GARIN1B: variants seen among roughly 807,000 people sequenced by gnomAD.
GARIN1B encodes the protein Golgi-associated RAB2 interactor protein 1B.
At chr7:128,716,110 G>T in the GARIN1B span, among the ~76,000 whole-genome samples, 2 of 152,178 alleles carry the variant, frequency 1.3e-5, 1 homozygote, top group South Asian at 4.2e-4. Flanking sequence ...CCTTCTCCTT[G>T]GGAGGTGACT....
the GARIN1B span, chr7:128,709,333 T>G: frequency 6.6e-6 from 1 of 152,240 alleles, no homozygotes; most frequent in Admixed American, 6.5e-5. Context: ...CTCTCCTTTA[T>G]TTGCACATAC....
At chr7:128,713,024 G>C in the GARIN1B span, among the ~76,000 whole-genome samples, 1 of 152,128 alleles carries the variant, frequency 6.6e-6, no homozygotes, top group South Asian at 2.1e-4. Context: ...AATCAGAATG[G>C]GCCGGGCATG....
the GARIN1B span, chr7:128,716,839 C>T: frequency 3.3e-4 from 525 of 1,612,010 alleles, 3 homozygotes; most frequent in East Asian, 2.2e-3. Flanking sequence ...ATTGGAGAGA[C>T]GTCTACAAAG....
chr7:128,726,957 T>A, the GARIN1B span: 10 of 1,233,336 alleles, frequency 8.1e-6, no homozygotes, highest in East Asian at 2.1e-4. Flanking sequence ...CCATCCTGGT[T>A]GTCCTGGTGC....
the GARIN1B span, chr7:128,719,131 G>A: frequency 1.1e-5 from 17 of 1,591,170 alleles, no homozygotes; most frequent in Non-Finnish European, 1.4e-5. Context: ...AAGCAGCAAG[G>A]TAGAGCTTAA....
chr7:128,725,609 T>C, the GARIN1B span, among the ~76,000 whole-genome samples: 1 of 152,198 alleles, frequency 6.6e-6, no homozygotes, highest in Non-Finnish European at 1.5e-5. Context: ...TGGCCTTATG[T>C]GATCCATTCA....
the GARIN1B span, among the ~76,000 whole-genome samples, chr7:128,711,919 C>T: frequency 0.16 from 24,597 of 152,074 alleles, 2,170 homozygotes; most frequent in East Asian, 0.36. Context: ...CAGGTGCCTG[C>T]GATCCCAGCT....
At chr7:128,718,743 C>A in the GARIN1B span, 1 of 1,522,654 alleles carries the variant, frequency 6.6e-7, no homozygotes, top group South Asian at 1.3e-5. Context: ...AGCCTTAGTC[C>A]TAAAGGAGAC....
At chr7:128,731,038 C>A in the GARIN1B span, 2 of 1,456,218 alleles carry the variant, frequency 1.4e-6, no homozygotes, top group Non-Finnish European at 1.9e-6. Context: ...TCTGTGTGCC[C>A]ACAAAAGAGC....
At chr7:128,722,253 T>A in the GARIN1B span, among the ~76,000 whole-genome samples, 21 of 152,202 alleles carry the variant, frequency 1.4e-4, 1 homozygote, top group East Asian at 1.9e-3. Context: ...CAGAACATGA[T>A]GAATGTAAGT....
the GARIN1B span, chr7:128,716,679 C>T: frequency 1.5e-6 from 1 of 651,914 alleles, no homozygotes; most frequent in Non-Finnish European, 2.5e-6. Context: ...CTTTAGTGTG[C>T]AGGGCAGTAT....
chr7:128,716,739 T>C, the GARIN1B span: 8 of 1,320,400 alleles, frequency 6.1e-6, no homozygotes, highest in Non-Finnish European at 7.3e-6. Context: ...AGTGTCGAGG[T>C]TGAGAAACCC....
the GARIN1B span, among the ~76,000 whole-genome samples, chr7:128,709,905 C>A: frequency 6.6e-6 from 1 of 152,052 alleles, no homozygotes; most frequent in African/African-American, 2.4e-5. Flanking sequence ...GCGTGTGCCA[C>A]CACGCCCGGC....
At chr7:128,710,849 G>C in the GARIN1B span, among the ~76,000 whole-genome samples, 1 of 151,858 alleles carries the variant, frequency 6.6e-6, no homozygotes, top group Non-Finnish European at 1.5e-5. Flanking sequence ...GAAGAGACGG[G>C]GTTTCTCCAT....
At chr7:128,729,351 A>G in the GARIN1B span, among the ~76,000 whole-genome samples, 1 of 152,206 alleles carries the variant, frequency 6.6e-6, no homozygotes, top group Non-Finnish European at 1.5e-5. Flanking sequence ...CCAAACTTTA[A>G]TGTCCAAACA....
At chr7:128,728,727 A>G in the GARIN1B span, among the ~76,000 whole-genome samples, 1 of 152,200 alleles carries the variant, frequency 6.6e-6, no homozygotes, top group Non-Finnish European at 1.5e-5. Context: ...TAAAATATTC[A>G]AGCATAGTAT....
the GARIN1B span, among the ~76,000 whole-genome samples, chr7:128,709,896 C>T: frequency 1.3e-5 from 2 of 151,844 alleles, no homozygotes; most frequent in South Asian, 2.1e-4. Flanking sequence ...GGATTACAGG[C>T]GTGTGCCACC....
At chr7:128,718,992 A>G in the GARIN1B span, 5 of 1,614,190 alleles carry the variant, frequency 3.1e-6, no homozygotes, top group African/African-American at 1.3e-5. Flanking sequence ...ATTCTGCAAA[A>G]GGGGCTGTCC....
the GARIN1B span, chr7:128,718,698 C>A: frequency 9.1e-7 from 1 of 1,102,592 alleles, no homozygotes; most frequent in Non-Finnish European, 1.3e-6. Context: ...AATTGAGCAG[C>A]ACTGTGCTAA....
Sources: allele counts gnomAD v4.1 joint callset (sites outside exome capture counted in the v4.1 genomes callset), GRCh38; gene constraint gnomAD v4.1.1; transcripts MANE v1.5; gene names NCBI Gene and HGNC (gene_info 2026-07-23, HGNC 2026-07-21).